Variants in TBC1D30 observed in about 807,000 individuals in gnomAD.
TBC1D30 encodes TBC1 domain family, member 30.
A neutral mutation model predicts 63.2 loss-of-function variants in TBC1D30; 31 were observed. The observed-to-expected ratio is 0.49, with a 90% CI of 0.37 to 0.66. The LOEUF (loss-of-function observed/expected upper bound fraction) is 0.66, where lower values mean the gene tolerates loss of function less well. Ranked by LOEUF, TBC1D30 falls within the 30% of genes least tolerant of loss-of-function variation. The probability of loss-of-function intolerance (pLI) is 0.00; values close to 1 mark genes in which losing one functional copy is unlikely to be tolerated. For missense variants in TBC1D30, 810 were observed against 953.6 expected (o/e 0.85, Z 1.98); for synonymous variants, 307 against 361.5 (o/e 0.85, Z 1.71).
intron 10 of TBC1D30, among the ~76,000 whole-genome samples, chr12:64,869,275 T>C (rs1458856031): frequency 1.3e-5 from 2 of 152,240 alleles, no homozygotes; most frequent in African/African-American, 4.8e-5. Flanking sequence ...TTTTTGGTTC[T>C]TATTTGGAAG....
At chr12:64,807,889 A>G (rs1400042976) in intron 2 of TBC1D30, among the ~76,000 whole-genome samples, 9 of 138,246 alleles carry the variant, frequency 6.5e-5, no homozygotes, top group Non-Finnish European at 1.5e-5. Context: ...AGCTGGGACT[A>G]CAGGCCCATG....
At chr12:64,802,219 T>C (rs1263771842) in intron 2 of TBC1D30, among the ~76,000 whole-genome samples, 1 of 152,202 alleles carries the variant, frequency 6.6e-6, no homozygotes, top group Non-Finnish European at 1.5e-5. Flanking sequence ...GACATGGTCA[T>C]TAAGGAAGCA....
At chr12:64,854,158 C>T (rs547242409) in intron 8 of TBC1D30, among the ~76,000 whole-genome samples, 10 of 152,236 alleles carry the variant, frequency 6.6e-5, no homozygotes, top group African/African-American at 1.7e-4. Flanking sequence ...TCTCTTTCTT[C>T]TTTCCTTCGT....
intron 2 of TBC1D30, among the ~76,000 whole-genome samples, chr12:64,828,227 A>C (rs922614650): frequency 6.6e-6 from 1 of 152,216 alleles, no homozygotes; most frequent in African/African-American, 2.4e-5. Flanking sequence ...TTGTACTGCA[A>C]AGGGGTCACA....
chr12:64,832,113 A>G lies in TBC1D30; in HGVS notation c.409-6A>G, dbSNP rs1277022937. Reference sequence around the variant, plus strand: ...TTTTTGAAAATATTGTTTCCCTTCCATTTAGGACCTTCACCGCACAGGCTG... The same window carrying G: ...TTTTTGAAAATATTGTTTCCCTTCCGTTTAGGACCTTCACCGCACAGGCTG... On this transcript the variant is annotated splice_polypyrimidine_tract_variant and splice_region_variant and intron_variant, in intron 4 of 11. Coordinates refer to ENST00000539867, the MANE Select transcript of TBC1D30 (RefSeq NM_015279.2). 6.5e-7 allele frequency: 1 copy of G among 1,527,218 alleles called. No individual in the cohort carries two copies. The highest frequency in any genetic ancestry group is 8.8e-7 in the Non-Finnish European group (1 of 1,141,268). 94.6% of individuals were successfully genotyped at this position (1,527,218 alleles called of 1,614,324 possible).
chr12:64,836,548 G>A lies in TBC1D30; in HGVS notation c.653G>A (p.Arg218Gln), dbSNP rs1477356541. The A allele has an allele frequency of 2.0e-5, 31 of 1,535,604 alleles. No homozygotes were observed. The highest frequency in any genetic ancestry group is 4.8e-5 in the South Asian group (4 of 84,042). The change falls in exon 6 of 12, where the codon CGG becomes CAG. Residue 218 changes from arginine (R) to glutamine (Q), a missense_variant. Arg to Gln is a conservative substitution (Grantham distance 43). Coordinates refer to ENST00000539867, the MANE Select transcript of TBC1D30 (RefSeq NM_015279.2). Reference sequence around the variant, plus strand: ...GAAAGCTATTTCGTCAATAATCTCCGGGCATTGTCTGTGGATATGGCTGTC... The same window carrying A: ...GAAAGCTATTTCGTCAATAATCTCCAGGCATTGTCTGTGGATATGGCTGTC... ...LPESYFVNNL[R>Q]ALSVDMAVFR...
Position 64,877,777 on chromosome 12 carries a change from C to G in TBC1D30, c.*1989C>G, listed in dbSNP as rs1468179516. 6.6e-6 allele frequency: 1 copy of G among 152,264 alleles called. No homozygotes were observed. Among genetic ancestry groups the G allele is most frequent in the Non-Finnish European group, 1.5e-5 (1 of 68,092 alleles). 9.4% of individuals were successfully genotyped at this position (152,264 alleles called of 1,614,324 possible). ...ACTTTACAGATAATAGTGTTTCCAC[C>G]TCATATCCTTTTCTTTGCCCCTTCT... On this transcript the variant is annotated 3_prime_UTR_variant, in exon 12 of 12. Transcript: ENST00000539867.
upstream of TBC1D30, among the ~76,000 whole-genome samples, chr12:64,821,712 C>A (rs755063757): frequency 9.2e-5 from 14 of 152,166 alleles, no homozygotes; most frequent in Non-Finnish European, 2.1e-4. Context: ...AGATAGGCTG[C>A]AACAGCCAAT....
intron 2 of TBC1D30, chr12:64,787,361 A>G (rs1871654728): frequency 1.0e-6 from 1 of 985,362 alleles, no homozygotes; most frequent in African/African-American, 1.7e-5. Flanking sequence ...AACATGCAGC[A>G]TGGCAGAACA....
At chr12:64,820,141 T>G (rs1263977949), upstream of TBC1D30, among the ~76,000 whole-genome samples, 1 of 152,214 alleles carries the variant, frequency 6.6e-6, no homozygotes, top group Non-Finnish European at 1.5e-5. Context: ...AGGCCCTTTT[T>G]ATTTTAAGAC....
intron 7 of TBC1D30, among the ~76,000 whole-genome samples, chr12:64,842,637 G>C (rs1198241168): frequency 6.6e-6 from 1 of 152,212 alleles, no homozygotes; most frequent in African/African-American, 2.4e-5. Flanking sequence ...TCTTGTAATT[G>C]TCATCTTTTA....
At chr12:64,775,393 G>A (rs895156906) in intron 1 of TBC1D30, among the ~76,000 whole-genome samples, 7 of 152,120 alleles carry the variant, frequency 4.6e-5, no homozygotes, top group African/African-American at 7.2e-5. Context: ...CCCATCTCAT[G>A]TGCAATGACA....
chr12:64,793,196 CGCTGG>C (rs1479654616), intron 2 of TBC1D30, among the ~76,000 whole-genome samples: 1 of 151,808 alleles, frequency 6.6e-6, no homozygotes, highest in Non-Finnish European at 1.5e-5. Context: ...AACAAAAATT[CGCTGG>C]GCGTTGTGGC....
rs922749178 is a variant in TBC1D30 at position 64,781,329 on chromosome 12, C to A, written c.478+43C>A. 2.8e-6 allele frequency: 3 copies of A among 1,057,526 alleles called. No individual in the cohort carries two copies. The Admixed American group carries it at 1.8e-4, about 63-fold the overall frequency. The allele number at this position is 1,057,526 out of a possible 1,614,324, so 65.5% of individuals were successfully genotyped here. A position where few individuals can be genotyped will look rare whatever the true frequency, so the allele number is the denominator to read the frequency against. ...CAGGGTCCCGGGGGCTTCCTGGAGCCGGGTTGTCCTCGCCGTCTCTGCCCG... is the reference window on the plus strand; with the variant it reads ...CAGGGTCCCGGGGGCTTCCTGGAGCAGGGTTGTCCTCGCCGTCTCTGCCCG... On this transcript the variant is annotated intron_variant, in intron 1 of 12. Transcript: ENST00000542120.
chr12:64,818,495 A>T (rs1873688134), intron 2 of TBC1D30: 1 of 719,218 alleles, frequency 1.4e-6, no homozygotes, highest in African/African-American at 1.9e-5. Context: ...GCTGGAATGC[A>T]GTGGCGCAAT....
intron 4 of TBC1D30, 141 bp from the exon 5 acceptor site, chr12:64,831,978 T>A: frequency 6.1e-6 from 4 of 659,108 alleles, no homozygotes; most frequent in Non-Finnish European, 9.2e-6. Flanking sequence ...GCATTTTGGC[T>A]CATATGTATA....
chr12:64,839,595 A>G (rs930565028), intron 7 of TBC1D30, among the ~76,000 whole-genome samples: 1 of 152,230 alleles, frequency 6.6e-6, no homozygotes, highest in African/African-American at 2.4e-5. Context: ...ACATGTCACA[A>G]AACTAGTAAA....
chr12:64,835,764 G>C (rs1275919799), intron 5 of TBC1D30, among the ~76,000 whole-genome samples: 1 of 152,130 alleles, frequency 6.6e-6, no homozygotes, highest in Admixed American at 6.5e-5. Context: ...ATTTTTGTTG[G>C]TAAGAGTTTG....
chr12:64,875,455 A>G lies in TBC1D30; in HGVS notation c.1953A>G (p.Ala651=). 6.5e-7 allele frequency: 1 copy of G among 1,536,180 alleles called. No homozygotes were observed. Residue 651 remains alanine (A), a synonymous_variant, in exon 12 of 12, where the codon GCA becomes GCG. Transcript: ENST00000539867. Reference sequence around the variant, plus strand: ...GAGATGCTGATGTGGATGTGTCTGCAGTTCAGGCGAAGTTGGGAGCCCTGG... The same window carrying G: ...GAGATGCTGATGTGGATGTGTCTGCGGTTCAGGCGAAGTTGGGAGCCCTGG... ...VFGDADVDVS[A]VQAKLGALEL...
Sources: gnomAD v4.1 joint callset for allele counts (sites outside exome capture counted in the v4.1 genomes callset) on GRCh38, gnomAD v4.1.1 for gene constraint, MANE v1.5 for transcripts, NCBI Gene and HGNC (gene_info 2026-07-23, HGNC 2026-07-21) for gene names.